Variants in UNC13C observed in about 807,000 individuals in gnomAD.
UNC13C encodes protein unc-13 homolog C.
A neutral mutation model predicts 245.4 loss-of-function variants in UNC13C; 174 were observed. The ratio of observed to expected loss-of-function variants is 0.71; its 90% CI spans 0.63 to 0.80. The LOEUF is 0.80. Ranked by LOEUF, UNC13C falls within the 30% of genes least tolerant of loss-of-function variation. The probability of loss-of-function intolerance (pLI) is 0.00; values close to 1 mark genes in which losing one functional copy is unlikely to be tolerated. For synonymous variants in UNC13C, 992 were observed against 895.1 expected (o/e 1.11, Z -1.93); for missense variants, 2,829 against 2,602.9 (o/e 1.09, Z -1.89).
intron 4 of UNC13C, among the ~76,000 whole-genome samples, chr15:54,226,249 T>C (rs989028636): frequency 6.6e-6 from 1 of 152,228 alleles, no homozygotes; most frequent in African/African-American, 2.4e-5. Context: ...TCAGAGATAT[T>C]GACCTGAAGT....
intron 4 of UNC13C, among the ~76,000 whole-genome samples, chr15:54,211,213 T>C (rs2034868899): frequency 6.6e-6 from 1 of 152,118 alleles, no homozygotes; most frequent in Admixed American, 6.6e-5. Flanking sequence ...GGCTTCCCTT[T>C]CAACTGAAGT....
chr15:54,525,893 G>A (rs1043631343), intron 25 of UNC13C, among the ~76,000 whole-genome samples: 8 of 152,096 alleles, frequency 5.3e-5, no homozygotes, highest in African/African-American at 1.9e-4. Context: ...TGTTTTACCT[G>A]TCTATTTCCC....
chr15:54,615,148 T>C (rs980617470), intron 30 of UNC13C, among the ~76,000 whole-genome samples: 1 of 152,024 alleles, frequency 6.6e-6, no homozygotes, highest in South Asian at 2.1e-4. Flanking sequence ...GCATGCAATG[T>C]GAAATAAGCA....
At chr15:54,452,996 C>A (rs1203232558) in intron 19 of UNC13C, among the ~76,000 whole-genome samples, 2 of 152,086 alleles carry the variant, frequency 1.3e-5, no homozygotes, top group African/African-American at 4.8e-5. Flanking sequence ...CTGTTGGGGC[C>A]CAGGACAGGA....
At chr15:54,421,966 T>G (rs1317318565) in intron 19 of UNC13C, among the ~76,000 whole-genome samples, 1 of 151,984 alleles carries the variant, frequency 6.6e-6, no homozygotes, top group Non-Finnish European at 1.5e-5. Flanking sequence ...AAGCAAATAA[T>G]TACACAAATA....
In UNC13C at chr15:54,321,955, T is replaced by C. The variant is rs2038172646; in HGVS notation, c.4285T>C (p.Ser1429Pro). The change falls in exon 14 of 33, where the codon TCT becomes CCT. Residue 1429 changes from serine to proline, a missense_variant. Coordinates refer to ENST00000260323, the MANE Select transcript of UNC13C (RefSeq NM_001080534.3). ...YQAMTHFSCL[S>P]SKYMCPGVPA... ...GTCTTTCAGGCACTTTTCATGTCTG[T>C]CTTCTAAATACATGTGCCCCGGTGT... 1.3e-6 allele frequency: 2 copies of C among 1,576,594 alleles called. No homozygotes were observed. Among genetic ancestry groups the C allele is most frequent in the Admixed American group, 3.7e-5 (2 of 54,204 alleles).
chr15:54,547,689 C>T (rs1007586963), intron 27 of UNC13C, among the ~76,000 whole-genome samples: 3 of 152,074 alleles, frequency 2.0e-5, no homozygotes, highest in Non-Finnish European at 4.4e-5. Flanking sequence ...TGATTTACTG[C>T]CAGACAGTGA....
At chr15:54,491,439 G>A (rs1893699164) in intron 19 of UNC13C, among the ~76,000 whole-genome samples, 1 of 152,080 alleles carries the variant, frequency 6.6e-6, no homozygotes, top group South Asian at 2.1e-4. Flanking sequence ...CTGGAAAAAT[G>A]CAAAAGTTAA....
Position 54,333,871 on chromosome 15 carries a change from TTC to T in UNC13C, c.4584+17_4584+18del, listed in dbSNP as rs781190710. ...TTAGGATGAAGGTATCTCATTTTATTTCTGTCACTGTTTTGTTGTGACATAGA... is the reference window on the plus strand; with the variant it reads ...TTAGGATGAAGGTATCTCATTTTATTTGTCACTGTTTTGTTGTGACATAGA... On this transcript the variant is annotated intron_variant, in intron 16 of 32. Transcript: ENST00000260323. 9 of 1,566,362 alleles carry T rather than the reference TTC, an allele frequency of 5.7e-6. No individual in the cohort carries two copies. Among genetic ancestry groups the T allele is most frequent in the Non-Finnish European group, 7.8e-6 (9 of 1,147,418 alleles).
At chr15:54,009,550 CT>C (rs958989518) in intron 1 of UNC13C, among the ~76,000 whole-genome samples, 3,708 of 144,208 alleles carry the variant, frequency 0.026, 176 homozygotes, top group African/African-American at 0.089. Flanking sequence ...TCTTCTTCTT[CT>C]TTTTTTTTTT....
intron 26 of UNC13C, among the ~76,000 whole-genome samples, chr15:54,541,989 T>C (rs1283996657): frequency 6.6e-6 from 1 of 152,028 alleles, no homozygotes; most frequent in Non-Finnish European, 1.5e-5. Context: ...GAAAATCGTG[T>C]GCTTTGGGAG....
intron 26 of UNC13C, among the ~76,000 whole-genome samples, chr15:54,538,086 A>G (rs926338821): frequency 9.1e-5 from 13 of 143,044 alleles, no homozygotes; most frequent in African/African-American, 3.1e-4. Flanking sequence ...GTATCTGACA[A>G]TGGTCTAATA....
intron 2 of UNC13C, among the ~76,000 whole-genome samples, chr15:54,043,395 T>C (rs2141037954): frequency 6.6e-6 from 1 of 152,332 alleles, no homozygotes; most frequent in East Asian, 1.9e-4. Flanking sequence ...ACTTTGAATT[T>C]TGAAGCCCAG....
At chr15:54,466,584 A>G (rs1348953007) in intron 19 of UNC13C, among the ~76,000 whole-genome samples, 1 of 151,874 alleles carries the variant, frequency 6.6e-6, no homozygotes, top group Non-Finnish European at 1.5e-5. Flanking sequence ...ATCTTGAGAC[A>G]CTATCGTGTC....
chr15:54,435,527 T>G (rs1444978635), intron 19 of UNC13C, among the ~76,000 whole-genome samples: 2 of 148,578 alleles, frequency 1.3e-5, no homozygotes, highest in Non-Finnish European at 3.0e-5. Context: ...AGTTGAACAA[T>G]GAGAACACAT....
chr15:54,144,291 C>T (rs1181806237), intron 4 of UNC13C, among the ~76,000 whole-genome samples: 7 of 151,208 alleles, frequency 4.6e-5, no homozygotes, highest in Admixed American at 2.6e-4. Flanking sequence ...GTTTGCAATA[C>T]GTATCTGTGT....
intron 2 of UNC13C, among the ~76,000 whole-genome samples, chr15:54,040,586 A>C (rs1386738881): frequency 6.6e-6 from 1 of 152,120 alleles, no homozygotes; most frequent in East Asian, 1.9e-4. Flanking sequence ...GGTATTTTTC[A>C]ACAACTCCCT....
chr15:54,163,951 T>C (rs1266807163), intron 4 of UNC13C, among the ~76,000 whole-genome samples: 1 of 152,166 alleles, frequency 6.6e-6, no homozygotes, highest in Non-Finnish European at 1.5e-5. Context: ...AGAGGTAATA[T>C]GCAGTATGAA....
intron 30 of UNC13C, among the ~76,000 whole-genome samples, chr15:54,604,850 C>A: frequency 6.6e-6 from 1 of 152,116 alleles, no homozygotes; most frequent in South Asian, 2.1e-4. Flanking sequence ...TGGAGTTCTC[C>A]TCATGCTTAA....
Sources: allele counts gnomAD v4.1 joint callset (sites outside exome capture counted in the v4.1 genomes callset), GRCh38; gene constraint gnomAD v4.1.1; transcripts MANE v1.5; gene names NCBI Gene and HGNC (gene_info 2026-07-23, HGNC 2026-07-21).